LRRC37A2: variants seen among roughly 807,000 people sequenced by gnomAD.
LRRC37A2 encodes the protein leucine-rich repeat-containing protein 37A2.
LRRC37A2 carries 9 observed loss-of-function variants against 68.8 expected under a neutral mutation model. The observed-to-expected ratio is 0.13, with a 90% CI of 0.08 to 0.23. The LOEUF is 0.23. Ranked by LOEUF, LRRC37A2 falls within the 10% of genes least tolerant of loss-of-function variation. The pLI, the probability that LRRC37A2 is intolerant of heterozygous loss-of-function variation, is 1.00. For missense variants in LRRC37A2, 168 were observed against 950.4 expected (o/e 0.18, Z 10.82); for synonymous variants, 63 against 367.6 (o/e 0.17, Z 9.48).
the LRRC37A2 span, among the ~76,000 whole-genome samples, chr17:46,707,545 C>T: frequency 6.6e-6 from 1 of 151,898 alleles, no homozygotes; most frequent in Non-Finnish European, 1.5e-5. Flanking sequence ...TCTTTTTTCC[C>T]TCCCCTACAA....
the LRRC37A2 span, chr17:46,762,642 A>G: frequency 6.6e-6 from 1 of 151,472 alleles, no homozygotes; most frequent in African/African-American, 2.4e-5. Flanking sequence ...TGTATAATAA[A>G]TAATATTTAT....
the LRRC37A2 span, chr17:46,964,183 G>T: frequency 4.6e-5 from 7 of 152,160 alleles, no homozygotes; most frequent in Admixed American, 3.3e-4. Context: ...GACCATCTTA[G>T]TCCCTACCTC....
chr17:46,751,764 C>G, the LRRC37A2 span: 1 of 527,810 alleles, frequency 1.9e-6, no homozygotes, highest in Non-Finnish European at 3.4e-6. Context: ...TATTAGTAGC[C>G]TGCTTCTGAG....
At chr17:46,784,386 T>C in the LRRC37A2 span, among the ~76,000 whole-genome samples, 1 of 151,980 alleles carries the variant, frequency 6.6e-6, no homozygotes, top group Admixed American at 6.5e-5. Flanking sequence ...GGACGGAAGC[T>C]AGAAATCCAT....
chr17:46,926,036 G>T, the LRRC37A2 span, among the ~76,000 whole-genome samples: 1 of 152,278 alleles, frequency 6.6e-6, no homozygotes, highest in East Asian at 1.9e-4. Context: ...GTATGTCCAG[G>T]ACACAAGAAG....
the LRRC37A2 span, among the ~76,000 whole-genome samples, chr17:46,983,098 C>T: frequency 6.7e-4 from 102 of 152,212 alleles, no homozygotes; most frequent in African/African-American, 2.4e-3. Context: ...CTGATTGCTG[C>T]AGGGGTTGTT....
the LRRC37A2 span, among the ~76,000 whole-genome samples, chr17:46,389,218 A>C: frequency 1.3e-5 from 2 of 151,890 alleles, no homozygotes; most frequent in South Asian, 4.2e-4. Flanking sequence ...TAAATAAATA[A>C]AAGCAAGCAA....
chr17:46,972,188 G>A, the LRRC37A2 span, among the ~76,000 whole-genome samples: 1 of 152,220 alleles, frequency 6.6e-6, no homozygotes, highest in Non-Finnish European at 1.5e-5. Context: ...CTGGGCTGGG[G>A]CAGGAGGCGA....
At chr17:47,007,527 T>G in the LRRC37A2 span, among the ~76,000 whole-genome samples, 2 of 152,216 alleles carry the variant, frequency 1.3e-5, no homozygotes, top group African/African-American at 4.8e-5. Context: ...AAACTGCTAT[T>G]GGAATTATTT....
the LRRC37A2 span, chr17:46,941,360 G>C: frequency 1.0e-6 from 1 of 982,670 alleles, no homozygotes; most frequent in Non-Finnish European, 1.2e-6. Flanking sequence ...ATTTTATTTA[G>C]AAAATCACAT....
the LRRC37A2 span, among the ~76,000 whole-genome samples, chr17:46,887,885 G>A: frequency 2.0e-5 from 3 of 152,112 alleles, no homozygotes; most frequent in South Asian, 2.1e-4. Flanking sequence ...TGAGACAGGC[G>A]GAGTCCCTGC....
At chr17:46,750,924 A>T in the LRRC37A2 span, among the ~76,000 whole-genome samples, 1 of 152,056 alleles carries the variant, frequency 6.6e-6, no homozygotes, top group African/African-American at 2.4e-5. Context: ...TTTTTTGAAA[A>T]TGACAGTCAT....
chr17:46,818,904 T>A, the LRRC37A2 span: 1 of 446,156 alleles, frequency 2.2e-6, no homozygotes, highest in Non-Finnish European at 4.0e-6. Flanking sequence ...CCCAGCAAAC[T>A]TGGGCAAAGC....
chr17:46,440,398 T>A, the LRRC37A2 span, among the ~76,000 whole-genome samples: 16 of 77,194 alleles, frequency 2.1e-4, no homozygotes, highest in African/African-American at 5.8e-4. Context: ...TTTTATTTTA[T>A]TTTTTTTTTT....
chr17:46,907,567 G>A, the LRRC37A2 span, among the ~76,000 whole-genome samples: 1 of 149,536 alleles, frequency 6.7e-6, no homozygotes, highest in Non-Finnish European at 1.5e-5. Context: ...TTTTTTTAAA[G>A]GGCTCACACC....
At chr17:46,910,312 G>C in the LRRC37A2 span, 1 of 152,226 alleles carries the variant, frequency 6.6e-6, no homozygotes, top group Admixed American at 6.5e-5. Flanking sequence ...GCGCTCTCCT[G>C]GGTTGGCACT....
chr17:47,043,192 A>T, the LRRC37A2 span, among the ~76,000 whole-genome samples: 3 of 151,866 alleles, frequency 2.0e-5, no homozygotes, highest in Admixed American at 2.0e-4. Context: ...TTCACCTTAA[A>T]GAATTAAAAA....
At chr17:47,014,113 C>G in the LRRC37A2 span, among the ~76,000 whole-genome samples, 1 of 148,594 alleles carries the variant, frequency 6.7e-6, no homozygotes, top group Admixed American at 6.8e-5. Flanking sequence ...ACAAACAGGC[C>G]AGGTGCAGTG....
At chr17:46,709,694 C>A in the LRRC37A2 span, among the ~76,000 whole-genome samples, 4 of 152,106 alleles carry the variant, frequency 2.6e-5, no homozygotes, top group East Asian at 7.7e-4. Context: ...GGGGTTTCAC[C>A]ACGTTGGCCA....
Sources: gnomAD v4.1 joint callset for allele counts (sites outside exome capture counted in the v4.1 genomes callset) on GRCh38, gnomAD v4.1.1 for gene constraint, MANE v1.5 for transcripts, NCBI Gene and HGNC (gene_info 2026-07-23, HGNC 2026-07-21) for gene names.